Variants in GRIP1 observed in about 807,000 individuals in gnomAD.
The protein encoded by GRIP1 is glutamate receptor-interacting protein 1.
GRIP1 carries 45 observed loss-of-function variants against 129.9 expected under a neutral mutation model. The observed-to-expected ratio is 0.35, with a 90% CI of 0.27 to 0.44. The LOEUF (loss-of-function observed/expected upper bound fraction) is 0.44, where lower values mean the gene tolerates loss of function less well. Among genes scored for constraint, GRIP1 ranks in the 20% least tolerant of loss-of-function variants. The probability of loss-of-function intolerance (pLI) is 1.00; values close to 1 mark genes in which losing one functional copy is unlikely to be tolerated. For missense variants in GRIP1, 1,196 were observed against 1,396.8 expected (o/e 0.86, Z 2.29); for synonymous variants, 530 against 520.8 (o/e 1.02, Z -0.24).
intron 1 of GRIP1, among the ~76,000 whole-genome samples, chr12:66,776,429 C>T (rs767650711): frequency 1.3e-5 from 2 of 152,172 alleles, no homozygotes; most frequent in Non-Finnish European, 2.9e-5. Context: ...CTTTCACCGA[C>T]AGTTGAATAA....
At chr12:66,509,642 T>C (rs1365457320) in intron 7 of GRIP1, among the ~76,000 whole-genome samples, 1 of 152,164 alleles carries the variant, frequency 6.6e-6, no homozygotes, top group Admixed American at 6.5e-5. Flanking sequence ...TTCATGTCCT[T>C]TGCAGGAACA....
chr12:66,734,402 C>T (rs1007222305), intron 1 of GRIP1, among the ~76,000 whole-genome samples: 2 of 152,110 alleles, frequency 1.3e-5, no homozygotes, highest in African/African-American at 4.8e-5. Context: ...CTTTGATTGT[C>T]TGAAATTCAG....
At chr12:66,993,559 G>T (rs532729187) in intron 1 of GRIP1, among the ~76,000 whole-genome samples, 1 of 151,964 alleles carries the variant, frequency 6.6e-6, no homozygotes, top group Admixed American at 6.5e-5. Context: ...AGGAGGCCGA[G>T]GTAGGTGGAT....
At chr12:66,473,594 C>T (rs1200381630) in intron 7 of GRIP1, among the ~76,000 whole-genome samples, 2 of 152,160 alleles carry the variant, frequency 1.3e-5, no homozygotes, top group Admixed American at 1.3e-4. Context: ...CAGCTGGCAT[C>T]GGGTGGGTGC....
chr12:67,066,659 G>C (rs1353345434), intron 1 of GRIP1, among the ~76,000 whole-genome samples: 1 of 151,802 alleles, frequency 6.6e-6, no homozygotes, highest in Non-Finnish European at 1.5e-5. Flanking sequence ...CAACCTGACA[G>C]TTTAATCTTT....
chr12:66,857,434 G>A (rs60842536), intron 1 of GRIP1, among the ~76,000 whole-genome samples: 2,187 of 151,908 alleles, frequency 0.014, 54 homozygotes, highest in African/African-American at 0.05. Context: ...TGAGCCAGGT[G>A]TTTTGTTAGG....
At chr12:67,017,390 G>C (rs1017008690) in intron 1 of GRIP1, among the ~76,000 whole-genome samples, 16 of 151,838 alleles carry the variant, frequency 1.1e-4, no homozygotes, top group Admixed American at 1.1e-3. Context: ...GCATTAGGTT[G>C]GGCCTTGAAG....
chr12:66,629,938 G>A lies in GRIP1; in HGVS notation c.56-33011C>T, dbSNP rs1438026003. The stretch of plus-strand genomic sequence containing the variant: ...TTTCCTGAAAGTCTTTGAATCTCGG[G>A]TTTTTACTCTATTAAGTATAGGCCA... On this transcript the variant is annotated intron_variant, in intron 1 of 24. Coordinates refer to ENST00000359742, the MANE Select transcript of GRIP1 (RefSeq NM_001366722.1). Among the ~76,000 whole-genome samples the A allele has an allele frequency of 2.0e-5, 3 of 152,022 alleles. No individual in the cohort carries two copies. The East Asian group carries it at 5.8e-4, about 29-fold the overall frequency.
intron 1 of GRIP1, among the ~76,000 whole-genome samples, chr12:66,801,240 A>G (rs1196733514): frequency 6.6e-6 from 1 of 152,110 alleles, no homozygotes; most frequent in East Asian, 1.9e-4. Context: ...GCGTCTGTCT[A>G]GTTTATTTAA....
chr12:66,514,774 A>C (rs1277790467), intron 7 of GRIP1, among the ~76,000 whole-genome samples: 2 of 152,158 alleles, frequency 1.3e-5, no homozygotes, highest in South Asian at 2.1e-4. Flanking sequence ...TATATGAGTC[A>C]TACAGTGTGA....
chr12:66,660,139 A>G (rs930540530), intron 1 of GRIP1, among the ~76,000 whole-genome samples: 5 of 152,192 alleles, frequency 3.3e-5, no homozygotes, highest in Non-Finnish European at 4.4e-5. Flanking sequence ...GTGAACTGTT[A>G]GCTGTCTTTG....
At chr12:66,521,958 T>G (rs4322492) in intron 5 of GRIP1, among the ~76,000 whole-genome samples, 5 of 152,158 alleles carry the variant, frequency 3.3e-5, no homozygotes, top group African/African-American at 1.2e-4. Flanking sequence ...TGGGGGAGGG[T>G]GCCTGCCATT....
chr12:66,442,544 T>G (rs971601788), intron 13 of GRIP1, among the ~76,000 whole-genome samples: 1 of 152,174 alleles, frequency 6.6e-6, no homozygotes, highest in African/African-American at 2.4e-5. Context: ...ATGAATTAAT[T>G]TTTTTGAGAC....
intron 7 of GRIP1, among the ~76,000 whole-genome samples, chr12:66,493,930 T>C (rs902691685): frequency 2.0e-5 from 3 of 152,144 alleles, no homozygotes; most frequent in South Asian, 2.1e-4. Context: ...AACACTTCAT[T>C]ATGAAAAATC....
At chr12:66,873,023 T>C (rs933563287) in intron 1 of GRIP1, among the ~76,000 whole-genome samples, 12 of 152,126 alleles carry the variant, frequency 7.9e-5, no homozygotes, top group Non-Finnish European at 1.6e-4. Context: ...CCTGGGCTGA[T>C]AAGACTCAAA....
chr12:66,741,662 C>T lies in GRIP1; in HGVS notation c.-420+62391G>A, dbSNP rs140232929. ...CATTTCAACATGTAATCAATCTAAA[C>T]GTTATTAAGGTTTCATATTGGGGGG... On this transcript the variant is annotated intron_variant, in intron 1 of 4. Transcript: ENST00000538373. 7.9e-5 allele frequency among the ~76,000 whole-genome samples: 12 copies of T among 152,164 alleles called. No individual in the cohort carries two copies. In the South Asian group the frequency reaches 1.7e-3, roughly 21 times the overall value.
intron 1 of GRIP1, among the ~76,000 whole-genome samples, chr12:66,968,264 C>T (rs2042024663): frequency 6.6e-6 from 1 of 152,088 alleles, no homozygotes; most frequent in Non-Finnish European, 1.5e-5. Flanking sequence ...GATAGTGACT[C>T]CAGCTTTCTT....
At chr12:66,797,564 AAC>A (rs2038736812) in intron 1 of GRIP1, among the ~76,000 whole-genome samples, 1 of 152,220 alleles carries the variant, frequency 6.6e-6, no homozygotes, top group Non-Finnish European at 1.5e-5. Flanking sequence ...GGAGGATGGG[AAC>A]TTTTATGGAA....
intron 23 of GRIP1, among the ~76,000 whole-genome samples, chr12:66,367,882 C>T (rs1027133655): frequency 6.6e-5 from 10 of 152,226 alleles, no homozygotes; most frequent in East Asian, 1.9e-4. Flanking sequence ...TCCAGCTCCA[C>T]TTCCCTCCCA....
Sources: gnomAD v4.1 joint callset for allele counts (sites outside exome capture counted in the v4.1 genomes callset) on GRCh38, gnomAD v4.1.1 for gene constraint, MANE v1.5 for transcripts, NCBI Gene and HGNC (gene_info 2026-07-23, HGNC 2026-07-21) for gene names.